The following STX18 variants were observed in gnomAD, a reference collection of about 807,000 sequenced individuals.
The protein encoded by STX18 is syntaxin 18.
In STX18, 40 loss-of-function variants were observed where a neutral mutation model predicts 50.1. The observed-to-expected ratio is 0.80, with a 90% confidence interval of 0.62 to 1.04. STX18 has a LOEUF of 1.04. Among genes scored for constraint, STX18 ranks in the 50% least tolerant of loss-of-function variants. The pLI is 0.00. For missense variants in STX18, 410 were observed against 415.8 expected, an observed-to-expected ratio of 0.99 and a Z score of 0.12; for synonymous variants, 158 against 151.8, an observed-to-expected ratio of 1.04 and a Z score of -0.30.
chr4:4,431,225 C>T (rs963408472), intron 7 of STX18, among the ~76,000 whole-genome samples: 1 of 152,170 alleles, frequency 6.6e-6, no homozygotes, highest in Non-Finnish European at 1.5e-5. Context: ...GTAAACTCTT[C>T]TTAAATACAA....
At chr4:4,475,541 C>CA (rs1431561673) in intron 1 of STX18, among the ~76,000 whole-genome samples, 68 of 151,846 alleles carry the variant, frequency 4.5e-4, no homozygotes, top group Middle Eastern at 3.5e-3. Flanking sequence ...TCTACATAGG[C>CA]ATACCTAAGT....
intron 1 of STX18, among the ~76,000 whole-genome samples, chr4:4,516,407 A>C (rs975979082): frequency 6.6e-6 from 1 of 152,210 alleles, no homozygotes; most frequent in African/African-American, 2.4e-5. Flanking sequence ...ATAAATGTGC[A>C]TGTAGGTTAA....
In STX18 at chr4:4,507,144, T is replaced by C. The variant is rs1369834857; in HGVS notation, c.168+34653A>G. ...AAGAAGCCAGGTGAGTTCCAAAGAA[T>C]GCTAGCAACACAGTACAAGACGGCA... On this transcript the variant is annotated intron_variant, in intron 1 of 10. Transcript: ENST00000306200. 1.4e-5 allele frequency: 8 copies of C among 560,844 alleles called. No homozygotes were observed. In the East Asian group the frequency reaches 3.4e-4, roughly 24 times the overall value. 34.7% of individuals were successfully genotyped at this position (560,844 alleles called of 1,614,324 possible).
At chr4:4,449,977 C>T (rs571674962) in intron 5 of STX18, among the ~76,000 whole-genome samples, 60 of 152,232 alleles carry the variant, frequency 3.9e-4, no homozygotes, top group Non-Finnish European at 8.5e-4. Flanking sequence ...TTATATGTTC[C>T]CTGCTCCAGT....
chr4:4,471,594 A>T (rs1417310494), intron 2 of STX18, 45 bp downstream of exon 2: 1 of 1,359,648 alleles, frequency 7.4e-7, no homozygotes, highest in East Asian at 2.4e-5. Flanking sequence ...TAGGTGTAGA[A>T]AAGAACACAG....
intron 2 of STX18, among the ~76,000 whole-genome samples, chr4:4,470,935 T>C (rs1250695299): frequency 6.6e-6 from 1 of 152,094 alleles, no homozygotes; most frequent in Admixed American, 6.5e-5. Flanking sequence ...GGTGACATAA[T>C]CCAATTAAAG....
At chr4:4,484,609 C>T (rs942367509) in intron 1 of STX18, among the ~76,000 whole-genome samples, 3 of 152,188 alleles carry the variant, frequency 2.0e-5, no homozygotes, top group African/African-American at 7.2e-5. Flanking sequence ...TCCCTGTAGA[C>T]AGCCAGCTCA....
At chr4:4,516,774 T>TA (rs908417745) in intron 1 of STX18, among the ~76,000 whole-genome samples, 5 of 150,976 alleles carry the variant, frequency 3.3e-5, no homozygotes, top group Non-Finnish European at 7.4e-5. Context: ...TTTTCCAATC[T>TA]AAAAAAAAAG....
intron 1 of STX18, among the ~76,000 whole-genome samples, chr4:4,511,296 G>A (rs1391459866): frequency 2.0e-5 from 3 of 152,180 alleles, no homozygotes; most frequent in African/African-American, 7.2e-5. Context: ...CGCTAATGTG[G>A]ACTCTCACAG....
chr4:4,486,170 T>C (rs1219435142), intron 1 of STX18, among the ~76,000 whole-genome samples: 1 of 152,200 alleles, frequency 6.6e-6, no homozygotes, highest in East Asian at 1.9e-4. Context: ...TTTTTGGGTG[T>C]TCAATCAATT....
intron 5 of STX18, among the ~76,000 whole-genome samples, chr4:4,447,280 G>GTT (rs1560168295): frequency 6.6e-6 from 1 of 151,964 alleles, no homozygotes; most frequent in Non-Finnish European, 1.5e-5. Context: ...TTCTTAGCCT[G>GTT]TTTTCCCACC....
chr4:4,507,815 TAAAAAA>T (rs879049430), intron 1 of STX18: 156 of 219,132 alleles, frequency 7.1e-4, no homozygotes, highest in East Asian at 1.3e-3. Context: ...ATATTCACAG[TAAAAAA>T]AAAAAAAAAA....
chr4:4,470,195 G>GTGA (rs1727842616), intron 2 of STX18, among the ~76,000 whole-genome samples: 1 of 152,194 alleles, frequency 6.6e-6, no homozygotes. Context: ...CTGCAGCAGG[G>GTGA]GATCTCAATG....
At chr4:4,474,168 C>A (rs1280212980) in intron 1 of STX18, among the ~76,000 whole-genome samples, 2 of 152,182 alleles carry the variant, frequency 1.3e-5, no homozygotes, top group Non-Finnish European at 2.9e-5. Context: ...ACCCTACACT[C>A]CCAGCTGCAG....
chr4:4,423,515 T>TA lies in STX18; in HGVS notation c.831+2dup. 1 of 1,614,198 alleles carries TA rather than the reference T, an allele frequency of 6.2e-7. No homozygotes were observed. The highest frequency in any genetic ancestry group is 8.5e-7 in the Non-Finnish European group (1 of 1,180,016). ...TACAGCTCCTTTGTTTTTGTTTTTT[T>TA]ACCTGTTGCAAAACCTTTTCCGTGA... On this transcript the variant is annotated splice_region_variant and intron_variant, in intron 9 of 10. Transcript: ENST00000306200.
intron 1 of STX18, among the ~76,000 whole-genome samples, chr4:4,490,898 T>C (rs539262624): frequency 2.6e-5 from 4 of 152,276 alleles, no homozygotes; most frequent in African/African-American, 9.6e-5. Context: ...CAAACTCTAA[T>C]CATGACATTT....
intron 1 of STX18, among the ~76,000 whole-genome samples, chr4:4,484,058 T>A (rs1349333322): frequency 1.3e-5 from 2 of 152,156 alleles, no homozygotes; most frequent in African/African-American, 2.4e-5. Flanking sequence ...GAGATGGGGT[T>A]TCACCATGTT....
intron 1 of STX18, among the ~76,000 whole-genome samples, chr4:4,513,965 T>C (rs1730122363): frequency 6.6e-6 from 1 of 152,162 alleles, no homozygotes; most frequent in Non-Finnish European, 1.5e-5. Context: ...GGTAAGGACA[T>C]GTAATTACGT....
At chr4:4,513,336 G>A (rs1730093534) in intron 1 of STX18, among the ~76,000 whole-genome samples, 1 of 146,882 alleles carries the variant, frequency 6.8e-6, no homozygotes, top group Non-Finnish European at 1.5e-5. Context: ...TCTTCCAGTA[G>A]AAGTAGACTC....
Sources: gnomAD v4.1 joint callset for allele counts (sites outside exome capture counted in the v4.1 genomes callset) on GRCh38, gnomAD v4.1.1 for gene constraint, MANE v1.5 for transcripts, NCBI Gene and HGNC (gene_info 2026-07-23, HGNC 2026-07-21) for gene names.